NEU4: variants seen among roughly 807,000 people sequenced by gnomAD.
NEU4 encodes neuraminidase 4.
In NEU4, 7 loss-of-function variants were observed where a neutral mutation model predicts 9.9. The ratio of observed to expected loss-of-function variants is 0.71; its 90% CI spans 0.40 to 1.33. NEU4 has a LOEUF of 1.33. NEU4 is among the 40% of genes most tolerant of loss of function. The pLI is 0.01. For synonymous variants in NEU4, 348 were observed against 316.9 expected (o/e 1.10, Z -1.04); for missense variants, 717 against 712.6 (o/e 1.01, Z -0.07).
rs147823091 is a variant in NEU4 at position 241,811,130 on chromosome 2, C to T, written c.-4+1856C>T. 1,260 of 1,212,614 alleles carry T rather than the reference C, an allele frequency of 1.0e-3. 20 individuals are homozygous for T. In the African/African-American group the frequency reaches 0.018, roughly 17 times the overall value. 75.1% of individuals were successfully genotyped at this position (1,212,614 alleles called of 1,614,324 possible). A position where few individuals can be genotyped will look rare whatever the true frequency, so the allele number is the denominator to read the frequency against. On this transcript the variant is annotated intron_variant, in intron 1 of 3. Transcript: ENST00000407683. Reference sequence around the variant, plus strand: ...CCGTGTCCCTCTGGGAGGTCAACTGCGGCCTCACAGCTGGGCCTGTCCCAG... The same window carrying T: ...CCGTGTCCCTCTGGGAGGTCAACTGTGGCCTCACAGCTGGGCCTGTCCCAG...
intron 3 of NEU4, chr2:241,815,643 G>T (rs1417745206): frequency 9.9e-6 from 5 of 506,780 alleles, no homozygotes; most frequent in African/African-American, 5.8e-5. Context: ...CCTGCCCAGG[G>T]CCTGGCCAGG....
At chr2:241,813,299 A>T (rs964176066) in intron 1 of NEU4, 1 of 1,034,508 alleles carries the variant, frequency 9.7e-7, no homozygotes, top group Admixed American at 5.9e-5. Context: ...GGTGTCCGGC[A>T]TCCGGCCATC....
intron 1 of NEU4, chr2:241,814,054 C>T: frequency 2.2e-6 from 1 of 453,868 alleles, no homozygotes; most frequent in Non-Finnish European, 4.5e-6. Context: ...CACTGAGCTC[C>T]TCCTTGCTCG....
At chr2:241,815,465 C>T (rs1177350662) in intron 3 of NEU4, 9 of 439,192 alleles carry the variant, frequency 2.0e-5, no homozygotes, top group Non-Finnish European at 4.1e-5. Flanking sequence ...CCCCCAGTCA[C>T]CCAGTGGGCA....
Position 241,815,040 on chromosome 2 carries a change from C to G in NEU4, c.350C>G (p.Thr117Arg). Residue 117 changes from threonine to arginine, a missense_variant, in exon 3 of 4, where the codon ACG (threonine) becomes AGG (arginine). Transcript: ENST00000407683. ...ACGCCTGAGGCCGTGCAGATCGCCA[C>G]GGGAAGGAACGCCGCGCGCCTCTGC... is the stretch of plus-strand genomic sequence containing the variant. ...GHTPEAVQIA[T>R]GRNAARLCCV... The G allele has an allele frequency of 6.3e-7, 1 of 1,596,318 alleles. No homozygotes were observed. The highest frequency in any genetic ancestry group is 8.5e-7 in the Non-Finnish European group (1 of 1,176,918).
chr2:241,809,440 C>T (rs539265945), intron 1 of NEU4, 166 bp downstream of exon 1: 9 of 368,078 alleles, frequency 2.4e-5, no homozygotes, highest in East Asian at 8.0e-5. Flanking sequence ...ACAGAGTAGC[C>T]GAAACTGCTC....
chr2:241,815,244 G>A, intron 3 of NEU4, 97 bp downstream of exon 3: 2 of 1,393,124 alleles, frequency 1.4e-6, no homozygotes, highest in East Asian at 2.5e-5. Context: ...CCCCACCCCT[G>A]TCTCCAGCCA....
chr2:241,815,364 C>T (rs1317609810), intron 3 of NEU4: 11 of 624,732 alleles, frequency 1.8e-5, no homozygotes, highest in South Asian at 8.1e-5. Flanking sequence ...AATCCCTCTC[C>T]CCAGGACTGT....
At chr2:241,814,144 G>A in intron 1 of NEU4, 1 of 624,640 alleles carries the variant, frequency 1.6e-6, no homozygotes, top group Admixed American at 2.1e-5. Context: ...CACATGGCTG[G>A]CAGGGTCCCG....
Position 241,809,248 on chromosome 2 carries a change from C to T in NEU4, c.-30C>T. On this transcript the variant is annotated 5_prime_UTR_variant, in exon 1 of 4. Transcript: ENST00000407683. ...GGGCACACCGTCCTTTTGTCTCTGC[C>T]TTTGAGGTTGGCGGGAACTGAAACT... 1 of 1,289,018 alleles carries T rather than the reference C, an allele frequency of 7.8e-7. No homozygotes were observed. Among genetic ancestry groups the T allele is most frequent in the Non-Finnish European group, 1.0e-6 (1 of 988,574 alleles). The allele number at this position is 1,289,018 out of a possible 1,614,324, so 79.8% of individuals were successfully genotyped here. A position where few individuals can be genotyped will look rare whatever the true frequency, so the allele number is the denominator to read the frequency against.
At chr2:241,811,025 G>A in intron 1 of NEU4, 1 of 1,055,950 alleles carries the variant, frequency 9.5e-7, no homozygotes, top group East Asian at 6.7e-5. Context: ...GCCAGGGGAG[G>A]CCCCGCACCC....
chr2:241,815,157 C>T lies in NEU4; in HGVS notation c.457+10C>T. 1 of 1,533,114 alleles carries T rather than the reference C, an allele frequency of 6.5e-7. No homozygotes were observed. Among genetic ancestry groups the T allele is most frequent in the Non-Finnish European group, 8.8e-7 (1 of 1,141,550 alleles). 95.0% of individuals were successfully genotyped at this position (1,533,114 alleles called of 1,614,324 possible). On this transcript the variant is annotated intron_variant, in intron 3 of 3. Transcript: ENST00000407683. ...GGTGGTGCCGTGCAGGGTAGGCGGG[C>T]AGGGTGCCGGTCTGGGTCCCTTTGA...
At chr2:241,810,021 G>A (rs1416181227) in intron 1 of NEU4, 2 of 152,290 alleles carry the variant, frequency 1.3e-5, no homozygotes, top group East Asian at 1.9e-4. Flanking sequence ...TGGGGGACAC[G>A]AGAAGGGAGA....
rs143005790 is a variant in NEU4, at chr2:241,811,507, C to A, written c.-4+2233C>A. ...CCCCCAGCACCCTCACCCCTCTACC[C>A]GGGCGCCCGGGGTCAGGACCCGCTC... is the stretch of plus-strand genomic sequence containing the variant. On this transcript the variant is annotated intron_variant, in intron 1 of 3. Transcript: ENST00000407683. The A allele has an allele frequency of 6.4e-4, 928 of 1,450,760 alleles. 10 individuals carry two copies. The African/African-American group carries it at 0.012, about 19-fold the overall frequency. 89.9% of individuals were successfully genotyped at this position (1,450,760 alleles called of 1,614,324 possible). A position where few individuals can be genotyped will look rare whatever the true frequency, so the allele number is the denominator to read the frequency against.
chr2:241,811,568 T>C, intron 1 of NEU4: 3 of 1,007,286 alleles, frequency 3.0e-6, no homozygotes, highest in South Asian at 3.2e-5. Context: ...CCCCTCTGTC[T>C]GGGGGTGCTG....
intron 1 of NEU4, chr2:241,811,708 C>G (rs1203859006): frequency 2.5e-6 from 1 of 395,562 alleles, no homozygotes; most frequent in East Asian, 3.6e-5. Flanking sequence ...ACTTACCTGG[C>G]CCACAGGGTG....
At position 241,811,802 on chromosome 2, in the gene NEU4, C is replaced by T. The variant is rs536266511; in HGVS notation, c.-4+2528C>T. 8 of 295,760 alleles carry T rather than the reference C, an allele frequency of 2.7e-5. No homozygotes were observed. In the South Asian group the frequency reaches 4.9e-4, roughly 18 times the overall value. 18.3% of individuals were successfully genotyped at this position (295,760 alleles called of 1,614,324 possible). A position where few individuals can be genotyped will look rare whatever the true frequency, so the allele number is the denominator to read the frequency against. ...TTGTGAGGGGCCCAATGCAGGGGGC[C>T]GGCCCCAGCCCACAGGGTCGTTCTG... is the stretch of plus-strand genomic sequence containing the variant. On this transcript the variant is annotated intron_variant, in intron 1 of 3. Transcript: ENST00000407683.
chr2:241,810,217 A>G (rs1700069128), intron 1 of NEU4, among the ~76,000 whole-genome samples: 1 of 152,142 alleles, frequency 6.6e-6, no homozygotes, highest in South Asian at 2.1e-4. Context: ...CTGGGCCCAC[A>G]GGCACCTCTG....
rs1700321175 is a variant in NEU4, at chr2:241,816,087, T to C, written c.494T>C (p.Val165Ala). The C allele has an allele frequency of 1.2e-6, 2 of 1,610,004 alleles. No individual in the cohort carries two copies. The highest frequency in any genetic ancestry group is 2.7e-5 in the African/African-American group (2 of 74,952). Reference protein sequence around the residue: ...ATFAVGPGHGVQLPSGRLLVP... With the variant: ...ATFAVGPGHGAQLPSGRLLVP... The stretch of plus-strand genomic sequence containing the variant: ...TTCGCTGTGGGTCCCGGCCACGGTG[T>C]GCAGCTGCCCTCAGGCCGCCTGCTG... The change falls in exon 4 of 4, where the codon GTG (valine) becomes GCG (alanine). Residue 165 changes from valine to alanine, a missense_variant. Coordinates refer to ENST00000407683, the MANE Select transcript of NEU4 (RefSeq NM_001167600.3).
Sources: allele counts gnomAD v4.1 joint callset (sites outside exome capture counted in the v4.1 genomes callset), GRCh38; gene constraint gnomAD v4.1.1; transcripts MANE v1.5; gene names NCBI Gene and HGNC (gene_info 2026-07-23, HGNC 2026-07-21).